Variants in VSIR observed in about 807,000 individuals in gnomAD.
VSIR encodes the protein V-set immunoregulatory receptor, also known as V-type immunoglobulin domain-containing suppressor of T-cell activation.
A neutral mutation model predicts 31.0 loss-of-function variants in VSIR; 10 were observed. That is an observed-to-expected ratio of 0.32 (90% CI 0.20 to 0.55). The LOEUF (loss-of-function observed/expected upper bound fraction) is 0.55, where lower values mean the gene tolerates loss of function less well. Ranked by LOEUF, VSIR falls within the 20% of genes least tolerant of loss-of-function variation. The probability of loss-of-function intolerance (pLI) is 0.93; values close to 1 mark genes in which losing one functional copy is unlikely to be tolerated. For synonymous variants in VSIR, 179 were observed against 180.1 expected, an observed-to-expected ratio of 0.99 and a Z score of 0.05; for missense variants, 356 against 416.2, an observed-to-expected ratio of 0.86 and a Z score of 1.26.
chr10:71,768,801 A>G (rs1330140353), intron 1 of VSIR, among the ~76,000 whole-genome samples: 1 of 152,198 alleles, frequency 6.6e-6, no homozygotes, highest in African/African-American at 2.4e-5. Context: ...ACTTTTACAT[A>G]GATTAGTTTA....
rs1225906200 is a variant in VSIR at position 71,762,101 on chromosome 10, C to G, written c.83-75G>C. The G allele has an allele frequency of 5.5e-6, 8 of 1,459,230 alleles. No individual in the cohort carries two copies. The East Asian group carries it at 1.2e-4, about 22-fold the overall frequency. 90.4% of individuals were successfully genotyped at this position (1,459,230 alleles called of 1,614,324 possible). A position where few individuals can be genotyped will look rare whatever the true frequency, so the allele number is the denominator to read the frequency against. On this transcript the variant is annotated intron_variant, in intron 1 of 6. Coordinates refer to ENST00000394957, the MANE Select transcript of VSIR (RefSeq NM_022153.2). ...CTGGCAACCCCAGAGCGGGGAAGAA[C>G]CTTAGCCTCTGCTACTTCCCAGCCA...
At chr10:71,762,082 A>C in intron 1 of VSIR, 56 bp from the exon 2 acceptor site, 2 of 1,514,084 alleles carry the variant, frequency 1.3e-6, no homozygotes, top group Non-Finnish European at 1.8e-6. Flanking sequence ...ACTCCTGGCA[A>C]CCCCAGAGCG....
At position 71,773,488 on chromosome 10, in the gene VSIR, G is replaced by T. The variant is rs767614579; in HGVS notation, c.-49C>A. 1.2e-5 allele frequency: 18 copies of T among 1,535,392 alleles called. No homozygotes were observed. The South Asian group carries it at 2.1e-4, about 18-fold the overall frequency. On this transcript the variant is annotated 5_prime_UTR_variant, in exon 1 of 7. Transcript: ENST00000394957. ...ACTTCTGGTGCCGGGGAGCGGGCGG[G>T]ACGCGGCCGGCGCGGGGAAGCCTCC...
chr10:71,755,460 G>C lies in VSIR; in HGVS notation c.575C>G (p.Thr192Arg). ...GGCACCCGTAGCCAGGGCTGCAGCC[G>C]TGATGTCTGAAAGGGCAGAGAGGTA... ...PSSSQDSENITAAALATGACI... is the reference protein window; with the variant it reads ...PSSSQDSENIRAAALATGACI... Residue 192 changes from threonine (T) to arginine (R), a missense_variant, in exon 4 of 7, where the codon ACG becomes AGG. Physicochemically the swap from Thr to Arg is moderately conservative, Grantham distance 71. Transcript: ENST00000394957. 1 of 1,610,492 alleles carries C rather than the reference G, an allele frequency of 6.2e-7. No homozygotes were observed. Among genetic ancestry groups the C allele is most frequent in the Non-Finnish European group, 8.5e-7 (1 of 1,178,506 alleles).
chr10:71,754,231 G>A (rs1358202114), intron 4 of VSIR, among the ~76,000 whole-genome samples: 1 of 152,162 alleles, frequency 6.6e-6, no homozygotes, highest in Non-Finnish European at 1.5e-5. Flanking sequence ...ATTCCTGCAG[G>A]TAGGTTGTGG....
At chr10:71,757,202 G>C (rs1840172239) in intron 3 of VSIR, among the ~76,000 whole-genome samples, 1 of 152,234 alleles carries the variant, frequency 6.6e-6, no homozygotes, top group Non-Finnish European at 1.5e-5. Context: ...CCTCTGGACG[G>C]CTAGTAAGCA....
In VSIR at chr10:71,755,379, C is replaced by T. The variant is rs932829677; in HGVS notation, c.656G>A (p.Arg219Lys). 5 of 1,612,396 alleles carry T rather than the reference C, an allele frequency of 3.1e-6. No individual in the cohort carries two copies. Among genetic ancestry groups the T allele is most frequent in the Non-Finnish European group, 4.2e-6 (5 of 1,179,334 alleles). Residue 219 changes from arginine (R) to lysine (K), a missense_variant, in exon 4 of 7, where the codon AGG becomes AAG. This residue lies in a region of VSIR where 190 missense variants were observed against 185.2 expected (regional missense o/e 1.03). Transcript: ENST00000394957. ...CTCACGGCGGTTGGAGGCTGCCTGC[C>T]TTTGCTTGTAGACCAGGAGCAGGAT... ...PLILLLVYKQ[R>K]QAASNRRAQE...
intron 1 of VSIR, among the ~76,000 whole-genome samples, chr10:71,769,162 C>T (rs1180678846): frequency 6.6e-6 from 1 of 152,220 alleles, no homozygotes; most frequent in Non-Finnish European, 1.5e-5. Flanking sequence ...ATTCCCTTTA[C>T]AATTATTTCA....
At chr10:71,762,674 C>T (rs1840425970) in intron 1 of VSIR, among the ~76,000 whole-genome samples, 1 of 152,200 alleles carries the variant, frequency 6.6e-6, no homozygotes, top group Non-Finnish European at 1.5e-5. Flanking sequence ...TCAGGGACTT[C>T]CTGAAGGAGG....
chr10:71,766,287 G>T (rs1329163174), intron 1 of VSIR, among the ~76,000 whole-genome samples: 1 of 152,176 alleles, frequency 6.6e-6, no homozygotes, highest in Non-Finnish European at 1.5e-5. Context: ...AAATGACCCG[G>T]GGCCTGGGCC....
intron 3 of VSIR, 85 bp downstream of exon 3, chr10:71,760,783 G>A: frequency 7.5e-7 from 1 of 1,328,348 alleles, no homozygotes; most frequent in Non-Finnish European, 1.1e-6. Context: ...GGGTGATGAG[G>A]CCAGAGTTCC....
In VSIR at chr10:71,773,482, G is replaced by T. The variant is rs181827786; in HGVS notation, c.-43C>A. On this transcript the variant is annotated 5_prime_UTR_variant, in exon 1 of 7. Transcript: ENST00000394957. ...AGAGGAACTTCTGGTGCCGGGGAGC[G>T]GGCGGGACGCGGCCGGCGCGGGGAA... 2 of 1,549,876 alleles carry T rather than the reference G, an allele frequency of 1.3e-6. No homozygotes were observed. The highest frequency in any genetic ancestry group is 1.2e-5 in the South Asian group (1 of 85,374).
At chr10:71,759,818 TATACACACACAC>T (rs1840251938) in intron 3 of VSIR, among the ~76,000 whole-genome samples, 1 of 50,788 alleles carries the variant, frequency 2.0e-5, no homozygotes, top group African/African-American at 7.5e-5. Flanking sequence ...TTTCAGAAAA[TATACACACACAC>T]ACACACACAC....
chr10:71,755,645 G>A (rs1840122665), intron 3 of VSIR, among the ~76,000 whole-genome samples, 179 bp from the exon 4 acceptor site: 1 of 152,094 alleles, frequency 6.6e-6, no homozygotes, highest in African/African-American at 2.4e-5. Flanking sequence ...TCCTTTCAAA[G>A]AGAGCCCTGT....
chr10:71,760,850 A>G lies in VSIR; in HGVS notation c.568+18T>C. On this transcript the variant is annotated intron_variant, in intron 3 of 6. Transcript: ENST00000394957. ...AGAAAACAGAGAACCCAAAAGGGGC[A>G]AGAGGTTGGTCCCTTACTTTCACTA... The G allele has an allele frequency of 1.9e-6, 3 of 1,609,278 alleles. No individual in the cohort carries two copies. The highest frequency in any genetic ancestry group is 2.2e-5 in the East Asian group (1 of 44,864).
rs1839910914 is a variant in VSIR at position 71,748,573 on chromosome 10, A to C, written c.*2680T>G. 6.6e-6 allele frequency: 1 copy of C among 152,230 alleles called. No individual in the cohort carries two copies. Among genetic ancestry groups the C allele is most frequent in the African/African-American group, 2.4e-5 (1 of 41,458 alleles). 9.4% of individuals were successfully genotyped at this position (152,230 alleles called of 1,614,324 possible). A position where few individuals can be genotyped will look rare whatever the true frequency, so the allele number is the denominator to read the frequency against. ...CAGGAGATAGGTAAGATGGCCCCTA[A>C]TTCCTGATTGATCTCCTAACAATGA... On this transcript the variant is annotated 3_prime_UTR_variant, in exon 7 of 7. Coordinates refer to ENST00000394957, the MANE Select transcript of VSIR (RefSeq NM_022153.2).
chr10:71,756,395 T>A (rs552567443), intron 3 of VSIR, among the ~76,000 whole-genome samples: 1 of 152,216 alleles, frequency 6.6e-6, no homozygotes, highest in Non-Finnish European at 1.5e-5. Context: ...ACTAAATTTA[T>A]TGAAGCAGTC....
chr10:71,769,502 ATAT>A (rs1840638533), intron 1 of VSIR, among the ~76,000 whole-genome samples: 1 of 152,260 alleles, frequency 6.6e-6, no homozygotes, highest in African/African-American at 2.4e-5. Context: ...AAATAAGTAA[ATAT>A]TATGAAAGGC....
chr10:71,759,051 T>C (rs928512557), intron 3 of VSIR, among the ~76,000 whole-genome samples: 11 of 151,850 alleles, frequency 7.2e-5, no homozygotes, highest in East Asian at 1.9e-4. Flanking sequence ...GGGTTGTTTT[T>C]TTTTTGAGAT....
Sources: allele counts gnomAD v4.1 joint callset (sites outside exome capture counted in the v4.1 genomes callset), GRCh38; gene constraint gnomAD v4.1.1; regional missense constraint gnomAD v4.1.1; transcripts MANE v1.5; gene names NCBI Gene and HGNC (gene_info 2026-07-23, HGNC 2026-07-21).